The following SMAD3 variants were observed in gnomAD, a reference collection of about 807,000 sequenced individuals.
SMAD3 encodes the protein MAD homolog 3.
In SMAD3, 12 loss-of-function variants were observed where a neutral mutation model predicts 51.8. The ratio of observed to expected loss-of-function variants is 0.23; its 90% confidence interval spans 0.15 to 0.38. SMAD3 has a LOEUF of 0.38. SMAD3 is among the 10% of genes least tolerant of loss of function. The pLI is 1.00. For synonymous variants in SMAD3, 238 were observed against 227.7 expected (o/e 1.05, Z -0.41); for missense variants, 294 against 565.6 (o/e 0.52, Z 4.87).
chr15:67,070,031 C>T (rs1275210924), intron 1 of SMAD3, among the ~76,000 whole-genome samples: 1 of 152,130 alleles, frequency 6.6e-6, no homozygotes, highest in Admixed American at 6.5e-5. Flanking sequence ...GTAGCCTCCT[C>T]TTATTATCTC....
intron 1 of SMAD3, among the ~76,000 whole-genome samples, chr15:67,099,408 G>T (rs542095521): frequency 6.6e-6 from 1 of 152,320 alleles, no homozygotes; most frequent in African/African-American, 2.4e-5. Context: ...CCTGTTGTAA[G>T]TCATTTTGAA....
intron 1 of SMAD3, among the ~76,000 whole-genome samples, chr15:67,123,742 C>T (rs1486505183): frequency 6.6e-6 from 1 of 152,126 alleles, no homozygotes; most frequent in Non-Finnish European, 1.5e-5. Flanking sequence ...AAAGAATATA[C>T]TCAATGTTTT....
intron 1 of SMAD3, among the ~76,000 whole-genome samples, chr15:67,093,678 T>C (rs1243938565): frequency 6.6e-6 from 1 of 152,200 alleles, no homozygotes; most frequent in Non-Finnish European, 1.5e-5. Context: ...CTGCTGCTGC[T>C]AAGAAGGGAA....
At chr15:67,187,216 A>C (rs1963244740) in intron 7 of SMAD3, 149 bp from the exon 8 acceptor site, 2 of 895,634 alleles carry the variant, frequency 2.2e-6, no homozygotes, top group East Asian at 5.0e-5. Context: ...CTGAGTGTGG[A>C]GTGTGTGGCA....
At chr15:67,138,314 G>A (rs1961721775) in intron 1 of SMAD3, 2 of 518,900 alleles carry the variant, frequency 3.9e-6, no homozygotes, top group African/African-American at 3.8e-5. Flanking sequence ...GCCTGGTTCT[G>A]GGCTCTGGGA....
chr15:67,149,142 T>C (rs974224521), intron 1 of SMAD3, among the ~76,000 whole-genome samples: 2 of 152,224 alleles, frequency 1.3e-5, no homozygotes, highest in African/African-American at 2.4e-5. Context: ...GGAAGATAAT[T>C]GGACCTCCAA....
chr15:67,190,473 G>C lies in SMAD3; in HGVS notation c.1215G>C (p.Gln405His), dbSNP rs375243021. Residue 405 changes from glutamine to histidine, a missense_variant, in exon 9 of 9, where the codon CAG (glutamine) becomes CAC (histidine). By Grantham distance (24) the Gln-to-His change is conservative (BLOSUM62 0). Coordinates refer to ENST00000327367, the MANE Select transcript of SMAD3 (RefSeq NM_005902.4). Reference sequence around the variant, plus strand: ...AGCTGCACCTGAATGGGCCTTTGCAGTGGCTTGACAAGGTCCTCACCCAGA... The same window carrying C: ...AGCTGCACCTGAATGGGCCTTTGCACTGGCTTGACAAGGTCCTCACCCAGA... Reference protein sequence around the residue: ...WIELHLNGPLQWLDKVLTQMG... With the variant: ...WIELHLNGPLHWLDKVLTQMG... 1 of 1,614,060 alleles carries C rather than the reference G, an allele frequency of 6.2e-7. No individual in the cohort carries two copies. Among genetic ancestry groups the C allele is most frequent in the Non-Finnish European group, 8.5e-7 (1 of 1,179,950 alleles).
intron 1 of SMAD3, among the ~76,000 whole-genome samples, chr15:67,159,342 A>G (rs1315265464): frequency 6.6e-6 from 1 of 152,194 alleles, no homozygotes; most frequent in African/African-American, 2.4e-5. Flanking sequence ...AAATGCTGGG[A>G]TTACAAGTGT....
chr15:67,159,750 CT>C (rs570714111), intron 1 of SMAD3, among the ~76,000 whole-genome samples: 111 of 152,318 alleles, frequency 7.3e-4, no homozygotes, highest in African/African-American at 2.6e-3. Context: ...GTGCCTTTTA[CT>C]TTAGTTTAAA....
intron 1 of SMAD3, among the ~76,000 whole-genome samples, chr15:67,124,462 T>A (rs1355872927): frequency 1.4e-5 from 2 of 147,030 alleles, no homozygotes; most frequent in Admixed American, 6.8e-5. Flanking sequence ...AAAAAAAAAA[T>A]CTATTATCTT....
intron 1 of SMAD3, among the ~76,000 whole-genome samples, chr15:67,106,499 C>T (rs1328823899): frequency 8.5e-5 from 13 of 152,178 alleles, no homozygotes; most frequent in Non-Finnish European, 1.5e-4. Flanking sequence ...AATACACTCT[C>T]TCACAGAGAC....
intron 1 of SMAD3, among the ~76,000 whole-genome samples, chr15:67,071,110 T>G (rs1451102836): frequency 6.6e-6 from 1 of 152,148 alleles, no homozygotes. Flanking sequence ...AGGAATGTGC[T>G]AAGTGCCCAG....
chr15:67,084,639 A>T (rs570615062), intron 1 of SMAD3, among the ~76,000 whole-genome samples: 1 of 152,310 alleles, frequency 6.6e-6, no homozygotes, highest in South Asian at 2.1e-4. Flanking sequence ...GTTGCTGATG[A>T]GGATGGTCAC....
At chr15:67,151,081 A>G (rs1371415392) in intron 1 of SMAD3, among the ~76,000 whole-genome samples, 1 of 149,974 alleles carries the variant, frequency 6.7e-6, no homozygotes, top group Non-Finnish European at 1.5e-5. Context: ...TGGTCTTGGA[A>G]CTCCTGACCT....
In SMAD3 at chr15:67,166,860, C is replaced by A; in HGVS notation, c.607+7C>A. ...AACCACAGCATGGACGCAGGTCAGT[C>A]ATGCAGGGTCATGCTCTTATTCTTA... On this transcript the variant is annotated splice_region_variant and intron_variant, in intron 4 of 8. Transcript: ENST00000327367. 6.4e-7 allele frequency: 1 copy of A among 1,574,614 alleles called. No individual in the cohort carries two copies. The highest frequency in any genetic ancestry group is 8.6e-7 in the Non-Finnish European group (1 of 1,158,200).
chr15:67,181,009 A>AAAT (rs1566999228), intron 5 of SMAD3, among the ~76,000 whole-genome samples: 48 of 113,050 alleles, frequency 4.2e-4, no homozygotes, highest in South Asian at 1.7e-3. Flanking sequence ...AATAAATAAA[A>AAAT]AGAGAAATCA....
chr15:67,085,868 G>GCGCA (rs532188806), intron 1 of SMAD3, among the ~76,000 whole-genome samples: 25 of 100,066 alleles, frequency 2.5e-4, no homozygotes, highest in African/African-American at 6.9e-4. Flanking sequence ...AAAAAAGCGT[G>GCGCA]CACACACACA....
At chr15:67,114,045 A>G (rs1044268971) in intron 1 of SMAD3, among the ~76,000 whole-genome samples, 12 of 152,174 alleles carry the variant, frequency 7.9e-5, no homozygotes, top group African/African-American at 2.9e-4. Flanking sequence ...GCATTTTAGA[A>G]GTGTTTTCTT....
chr15:67,147,696 C>G (rs1249540141), intron 1 of SMAD3, among the ~76,000 whole-genome samples: 1 of 152,222 alleles, frequency 6.6e-6, no homozygotes, highest in Non-Finnish European at 1.5e-5. Context: ...CAGATGTGAG[C>G]ATGTCTGGAA....
Sources: gnomAD v4.1 joint callset for allele counts (sites outside exome capture counted in the v4.1 genomes callset) on GRCh38, gnomAD v4.1.1 for gene constraint, MANE v1.5 for transcripts, NCBI Gene and HGNC (gene_info 2026-07-23, HGNC 2026-07-21) for gene names.